The following DLC1 variants were observed in gnomAD, a reference collection of about 807,000 sequenced individuals.
DLC1 encodes the protein rho GTPase-activating protein 7.
DLC1 carries 54 observed loss-of-function variants against 140.3 expected under a neutral mutation model. The ratio of observed to expected loss-of-function variants is 0.38; its 90% CI spans 0.31 to 0.48. DLC1 has a LOEUF of 0.48. Among genes scored for constraint, DLC1 ranks in the 20% least tolerant of loss-of-function variants. The pLI, the probability that DLC1 is intolerant of heterozygous loss-of-function variation, is 0.96. For synonymous variants in DLC1, 986 were observed against 728.1 expected, an observed-to-expected ratio of 1.35 and a Z score of -5.70; for missense variants, 2,536 against 1,907.0, an observed-to-expected ratio of 1.33 and a Z score of -6.14.
chr8:13,136,221 G>C (rs1007034871), intron 5 of DLC1, among the ~76,000 whole-genome samples: 1 of 152,044 alleles, frequency 6.6e-6, no homozygotes, highest in African/African-American at 2.4e-5. Flanking sequence ...AGATTCAGGG[G>C]GTACATGTGC....
At chr8:13,467,393 T>C (rs950773709) in intron 2 of DLC1, among the ~76,000 whole-genome samples, 38 of 151,734 alleles carry the variant, frequency 2.5e-4, no homozygotes, top group African/African-American at 9.2e-4. Flanking sequence ...CCCTCCCCTC[T>C]CCTTTTTCTG....
chr8:13,370,064 A>T (rs2117112964), intron 4 of DLC1, among the ~76,000 whole-genome samples: 1 of 150,994 alleles, frequency 6.6e-6, no homozygotes, highest in African/African-American at 2.4e-5. Context: ...GCCCTTCTCC[A>T]GGTATGTACA....
intron 12 of DLC1, among the ~76,000 whole-genome samples, chr8:13,093,504 G>T (rs1818259012): frequency 6.6e-6 from 1 of 152,158 alleles, no homozygotes; most frequent in Non-Finnish European, 1.5e-5. Flanking sequence ...ATATAAAAAT[G>T]CAAATAAACC....
chr8:13,393,527 A>T (rs1336608974), intron 4 of DLC1, 26 bp downstream of exon 4: 1 of 1,605,068 alleles, frequency 6.2e-7, no homozygotes, highest in Admixed American at 1.7e-5. Flanking sequence ...ACACGTAGAG[A>T]CTCTCTGTTA....
At chr8:13,373,163 G>A (rs1835804765) in intron 4 of DLC1, among the ~76,000 whole-genome samples, 1 of 152,126 alleles carries the variant, frequency 6.6e-6, no homozygotes, top group African/African-American at 2.4e-5. Context: ...TTACAAGGGT[G>A]AGCCTGGCCC....
chr8:13,169,104 T>G (rs1213467087), intron 5 of DLC1, among the ~76,000 whole-genome samples: 1 of 152,212 alleles, frequency 6.6e-6, no homozygotes, highest in African/African-American at 2.4e-5. Flanking sequence ...GAAGGAAATG[T>G]GATATATAGT....
intron 5 of DLC1, among the ~76,000 whole-genome samples, chr8:13,172,067 A>C (rs1331241075): frequency 6.6e-6 from 1 of 152,196 alleles, no homozygotes; most frequent in African/African-American, 2.4e-5. Flanking sequence ...AAAGAGCAAT[A>C]ATTGTGCTTC....
At chr8:13,131,013 C>A (rs111586991) in intron 5 of DLC1, among the ~76,000 whole-genome samples, 16 of 152,210 alleles carry the variant, frequency 1.1e-4, no homozygotes, top group Non-Finnish European at 1.8e-4. Flanking sequence ...CAATCGCCAA[C>A]ATTTTCTCAG....
intron 5 of DLC1, among the ~76,000 whole-genome samples, chr8:13,116,504 C>T (rs929440727): frequency 3.9e-5 from 6 of 152,146 alleles, no homozygotes; most frequent in African/African-American, 1.4e-4. Context: ...CATGAGAGTA[C>T]TCAGTTACAC....
intron 4 of DLC1, among the ~76,000 whole-genome samples, chr8:13,369,374 G>GATTACAAA: frequency 1.1e-5 from 1 of 93,122 alleles, no homozygotes; most frequent in Non-Finnish European, 2.2e-5. Flanking sequence ...AAAAAAAAAA[G>GATTACAAA]ATTACAAATG....
intron 5 of DLC1, among the ~76,000 whole-genome samples, chr8:13,284,739 C>A (rs1011491791): frequency 6.6e-6 from 1 of 151,808 alleles, no homozygotes; most frequent in Non-Finnish European, 1.5e-5. Context: ...TTTTCACATA[C>A]TAGAAATGAA....
chr8:13,244,379 C>G (rs1399442559), intron 5 of DLC1, among the ~76,000 whole-genome samples: 2 of 151,348 alleles, frequency 1.3e-5, no homozygotes, highest in African/African-American at 4.9e-5. Flanking sequence ...TTCACTGCAG[C>G]CTCGAACTCT....
intron 5 of DLC1, among the ~76,000 whole-genome samples, chr8:13,124,377 G>A (rs1046912027): frequency 6.6e-6 from 1 of 152,212 alleles, no homozygotes; most frequent in East Asian, 1.9e-4. Flanking sequence ...TAAGAGGTAA[G>A]CTGGGAAGCA....
At chr8:13,394,412 T>A (rs1836922460) in intron 3 of DLC1, among the ~76,000 whole-genome samples, 1 of 152,208 alleles carries the variant, frequency 6.6e-6, no homozygotes, top group Non-Finnish European at 1.5e-5. Context: ...TTATGTTTTC[T>A]TAGCAACTAC....
At chr8:13,317,555 C>T (rs61094706) in intron 4 of DLC1, among the ~76,000 whole-genome samples, 3 of 151,878 alleles carry the variant, frequency 2.0e-5, no homozygotes, top group Non-Finnish European at 2.9e-5. Context: ...AAGATAGAGA[C>T]GAAATGGCTA....
chr8:13,567,350 A>T, intron 1 of DLC1: 1 of 1,551,730 alleles, frequency 6.4e-7, no homozygotes, highest in Non-Finnish European at 8.7e-7. Flanking sequence ...GAAGAATTGA[A>T]TGCCCTGCAG....
intron 2 of DLC1, among the ~76,000 whole-genome samples, chr8:13,445,658 C>T (rs138508983): frequency 6.6e-6 from 1 of 152,176 alleles, no homozygotes; most frequent in Non-Finnish European, 1.5e-5. Context: ...ATAGACTTAA[C>T]TGAACTTTAT....
intron 4 of DLC1, among the ~76,000 whole-genome samples, chr8:13,330,218 C>T (rs763022843): frequency 6.6e-6 from 1 of 152,132 alleles, no homozygotes; most frequent in Non-Finnish European, 1.5e-5. Context: ...TCCCAAAATG[C>T]TGGGATTGCA....
In DLC1 at chr8:13,274,075, A is replaced by C. The variant is rs1019206845; in HGVS notation, c.1348+31194T>G. Reference sequence around the variant, plus strand: ...ATTCTGCACACGAAGGCAAGGTGGTAGGACATATAACAAAGATTTTCTCTG... The same window carrying C: ...ATTCTGCACACGAAGGCAAGGTGGTCGGACATATAACAAAGATTTTCTCTG... On this transcript the variant is annotated intron_variant, in intron 5 of 17. Coordinates refer to ENST00000276297, the MANE Select transcript of DLC1 (RefSeq NM_182643.3). Among the ~76,000 whole-genome samples, 14 of 152,218 alleles carry C rather than the reference A, an allele frequency of 9.2e-5. 1 individual carries two copies. Among genetic ancestry groups the C allele is most frequent in the Admixed American group, 7.9e-4 (12 of 15,282 alleles).
Sources: allele counts gnomAD v4.1 joint callset (sites outside exome capture counted in the v4.1 genomes callset), GRCh38; gene constraint gnomAD v4.1.1; transcripts MANE v1.5; gene names NCBI Gene and HGNC (gene_info 2026-07-23, HGNC 2026-07-21).